The following SCN10A variants were observed in gnomAD, a reference collection of about 807,000 sequenced individuals.
SCN10A encodes the protein sodium channel protein type 10 subunit alpha.
A neutral mutation model predicts 170.7 loss-of-function variants in SCN10A; 162 were observed. That is an observed-to-expected ratio of 0.95 (90% CI 0.84 to 1.08). The LOEUF is 1.08. SCN10A is among the 50% of genes least tolerant of loss of function. The probability of loss-of-function intolerance (pLI) is 0.00; values close to 1 mark genes in which losing one functional copy is unlikely to be tolerated. For synonymous variants in SCN10A, 985 were observed against 904.6 expected (o/e 1.09, Z -1.59); for missense variants, 2,527 against 2,436.9 (o/e 1.04, Z -0.78).
chr3:38,805,497 A>G (rs1467110956), intron 1 of SCN10A, among the ~76,000 whole-genome samples: 2 of 152,186 alleles, frequency 1.3e-5, no homozygotes, highest in African/African-American at 4.8e-5. Context: ...ATTGTCTCCA[A>G]GATGTAAGCA....
chr3:38,748,293 G>A (rs1559440973), intron 13 of SCN10A, among the ~76,000 whole-genome samples: 2 of 152,142 alleles, frequency 1.3e-5, no homozygotes, highest in Non-Finnish European at 2.9e-5. Context: ...AATGAACAGT[G>A]ATATTAAATA....
chr3:38,802,453 G>C (rs560647894), intron 1 of SCN10A, among the ~76,000 whole-genome samples: 6 of 152,078 alleles, frequency 3.9e-5, no homozygotes, highest in East Asian at 1.9e-4. Context: ...CCAATATACT[G>C]TTTCCTTAGC....
Position 38,757,096 on chromosome 3 carries a change from G to T in SCN10A, c.1014C>A (p.Ser338Arg). ...GGAAAGCCCAAGCAAAGGAATCAAA[G>T]CTGGTGTAGTTAAAATCCGGGTTGT... ...TSDNPDFNYT[S>R]FDSFAWAFLS... The change falls in exon 9 of 28, where the codon AGC becomes AGA. Residue 338 changes from serine to arginine, a missense_variant. By Grantham distance (110) the Ser-to-Arg change is moderately radical. Coordinates refer to ENST00000449082, the MANE Select transcript of SCN10A (RefSeq NM_006514.4). 3.1e-6 allele frequency: 5 copies of T among 1,613,830 alleles called. No homozygotes were observed. The highest frequency in any genetic ancestry group is 4.2e-6 in the Non-Finnish European group (5 of 1,179,868).
rs149050448 is a variant in SCN10A at position 38,799,044 on chromosome 3, A to T, written c.-32-5002T>A. The stretch of plus-strand genomic sequence containing the variant: ...GCAATCTTCCCACCTCAGCCTCCCA[A>T]AGTGCTAGGATTCTGGCATGAGCCA... On this transcript the variant is annotated intron_variant, in intron 1 of 27. Coordinates refer to ENST00000449082, the MANE Select transcript of SCN10A (RefSeq NM_006514.4). Among the ~76,000 whole-genome samples the T allele has an allele frequency of 5.6e-4, 85 of 152,000 alleles. No homozygotes were observed. In the East Asian group the frequency reaches 0.015, roughly 27 times the overall value.
chr3:38,742,388 G>A lies in SCN10A; in HGVS notation c.2009C>T (p.Thr670Ile). The A allele has an allele frequency of 6.2e-7, 1 of 1,614,214 alleles. No individual in the cohort carries two copies. Among genetic ancestry groups the A allele is most frequent in the Non-Finnish European group, 8.5e-7 (1 of 1,180,036 alleles). ...GTTCACCACGATGCACAAGGTGATG[G>A]TGAGCTCTGCAAAGGGATCCGTCAC... is the stretch of plus-strand genomic sequence containing the variant. ...GLVTDPFAEL[T>I]ITLCIVVNTI... The change falls in exon 14 of 28, where the codon ACC (threonine) becomes ATC (isoleucine). Residue 670 changes from threonine (T) to isoleucine (I), a missense_variant. By Grantham distance (89) the Thr-to-Ile change is moderately conservative. Transcript: ENST00000449082.
At chr3:38,804,192 T>C (rs772889020) in intron 1 of SCN10A, among the ~76,000 whole-genome samples, 3 of 152,188 alleles carry the variant, frequency 2.0e-5, no homozygotes, top group Non-Finnish European at 2.9e-5. Context: ...CCTGGCTGTT[T>C]CTTGAACACA....
At chr3:38,740,600 C>T (rs1266567084) in intron 14 of SCN10A, among the ~76,000 whole-genome samples, 1 of 152,114 alleles carries the variant, frequency 6.6e-6, no homozygotes, top group Non-Finnish European at 1.5e-5. Flanking sequence ...CTTCCAGAGA[C>T]CTGGGTCCAC....
At chr3:38,770,637 C>G (rs2126040424) in intron 5 of SCN10A, among the ~76,000 whole-genome samples, 1 of 152,246 alleles carries the variant, frequency 6.6e-6, no homozygotes, top group Non-Finnish European at 1.5e-5. Flanking sequence ...GTGAGCTTCC[C>G]CACTGAGAAA....
chr3:38,722,563 C>A, intron 19 of SCN10A, 151 bp from the exon 20 acceptor site: 1 of 794,788 alleles, frequency 1.3e-6, no homozygotes, highest in Non-Finnish European at 2.0e-6. Flanking sequence ...AAGAGGGGTC[C>A]CTTCCAGGGA....
chr3:38,742,180 C>T, intron 14 of SCN10A, 111 bp downstream of exon 14: 1 of 739,090 alleles, frequency 1.4e-6, no homozygotes, highest in South Asian at 1.7e-5. Context: ...CTAACTGGCT[C>T]AACACACTAA....
chr3:38,755,075 G>T (rs1339286557), intron 11 of SCN10A, among the ~76,000 whole-genome samples: 1 of 152,092 alleles, frequency 6.6e-6, no homozygotes, highest in East Asian at 1.9e-4. Context: ...GAAAAGAATT[G>T]CTACAGGGTC....
In SCN10A at chr3:38,701,984, C is replaced by G; in HGVS notation, c.4512G>C (p.Lys1504Asn). 1.2e-6 allele frequency: 2 copies of G among 1,614,172 alleles called. No homozygotes were observed. The highest frequency in any genetic ancestry group is 2.2e-5 in the South Asian group (2 of 91,080). Residue 1504 changes from lysine (K) to asparagine (N), a missense_variant, in exon 27 of 28, where the codon AAG becomes AAC. Lys to Asn is a moderately conservative substitution (Grantham distance 94). Coordinates refer to ENST00000449082, the MANE Select transcript of SCN10A (RefSeq NM_006514.4). ...GGTTGATTTTGCCCAGAATTTTCGT[C>G]TTTTCTTCACTTTGGTCATCAGTCT... ...MVETDDQSEE[K>N]TKILGKINQF...
intron 4 of SCN10A, among the ~76,000 whole-genome samples, chr3:38,783,411 A>T (rs944023429): frequency 1.3e-5 from 2 of 152,110 alleles, no homozygotes; most frequent in African/African-American, 2.4e-5. Flanking sequence ...TAAACAAAAT[A>T]GTTTAGTTTT....
chr3:38,791,055 T>G (rs182180325), intron 3 of SCN10A, among the ~76,000 whole-genome samples: 1 of 152,188 alleles, frequency 6.6e-6, no homozygotes, highest in Non-Finnish European at 1.5e-5. Flanking sequence ...CAATGACAAC[T>G]GTCCAGAAAT....
intron 5 of SCN10A, among the ~76,000 whole-genome samples, chr3:38,770,578 G>A (rs988126172): frequency 2.6e-5 from 4 of 152,072 alleles, no homozygotes; most frequent in African/African-American, 9.7e-5. Context: ...TGTAGTTGGT[G>A]AGGCTGGTCT....
intron 23 of SCN10A, 151 bp from the exon 24 acceptor site, chr3:38,711,048 C>A (rs1444046670): frequency 3.1e-6 from 2 of 637,170 alleles, no homozygotes; most frequent in Non-Finnish European, 2.8e-6. Flanking sequence ...CCTTGGGTTA[C>A]TTGACTAATC....
Position 38,723,544 on chromosome 3 carries a change from C to A in SCN10A, c.3238G>T (p.Asp1080Tyr). The change falls in exon 19 of 28, where the codon GAC (aspartate) becomes TAC (tyrosine). Residue 1080 changes from aspartate (D) to tyrosine (Y), a missense_variant. Transcript: ENST00000449082. ...VPQVPAEGVD[D>Y]TSSSEGSTVD... is the part of the protein sequence containing the mutation. ...GTGCTGCCCTCAGAGGAGCTTGTGT[C>A]GTCCACTCCCTGCAGGGGAGAAGCC... is the stretch of plus-strand genomic sequence containing the variant. 6.3e-7 allele frequency: 1 copy of A among 1,594,680 alleles called. No individual in the cohort carries two copies. Among genetic ancestry groups the A allele is most frequent in the Non-Finnish European group, 8.5e-7 (1 of 1,169,854 alleles).
intron 6 of SCN10A, among the ~76,000 whole-genome samples, chr3:38,762,568 G>A (rs961482979): frequency 1.3e-5 from 2 of 152,194 alleles, no homozygotes; most frequent in Non-Finnish European, 2.9e-5. Flanking sequence ...AGAGCATGGT[G>A]AGATGTGAGG....
Position 38,750,152 on chromosome 3 carries a change from C to T in SCN10A, c.1788G>A (p.Leu596=). 1.9e-6 allele frequency: 3 copies of T among 1,613,088 alleles called. No individual in the cohort carries two copies. The highest frequency in any genetic ancestry group is 2.5e-6 in the Non-Finnish European group (3 of 1,179,318). The stretch of plus-strand genomic sequence containing the variant: ...AAGGTTCATCTAAGTATTCTGCTGA[C>T]AAGAAAGTCTTCTTTTGTCCTGCAT... ...AFDAGQKKTF[L]SAEYLDEPFR... is the part of the protein sequence containing the mutation. Residue 596 remains leucine (L), a synonymous_variant, in exon 13 of 28, where the codon TTG becomes TTA. Transcript: ENST00000449082.
Sources: gnomAD v4.1 joint callset for allele counts (sites outside exome capture counted in the v4.1 genomes callset) on GRCh38, gnomAD v4.1.1 for gene constraint, MANE v1.5 for transcripts, NCBI Gene and HGNC (gene_info 2026-07-23, HGNC 2026-07-21) for gene names.